The following SH3GL2 variants were observed in gnomAD, a reference collection of about 807,000 sequenced individuals.
SH3GL2 encodes the protein SH3 domain containing GRB2 like 2, endophilin A1, also known as endophilin-A1.
SH3GL2 carries 24 observed loss-of-function variants against 46.0 expected under a neutral mutation model. The observed-to-expected ratio is 0.52, with a 90% confidence interval of 0.38 to 0.73. The LOEUF (loss-of-function observed/expected upper bound fraction) is 0.73. Ranked by LOEUF, SH3GL2 falls within the 30% of genes least tolerant of loss-of-function variation. SH3GL2 has a pLI of 0.00. For synonymous variants in SH3GL2, 196 were observed against 147.1 expected (o/e 1.33, Z -2.40); for missense variants, 413 against 424.2 (o/e 0.97, Z 0.23).
intron 1 of SH3GL2, among the ~76,000 whole-genome samples, chr9:17,659,243 C>T (rs1310737638): frequency 6.6e-6 from 1 of 152,132 alleles, no homozygotes; most frequent in East Asian, 1.9e-4. Flanking sequence ...GGCTCTCTTC[C>T]CCATCTCAGA....
chr9:17,645,182 T>TTTTTTTTA (rs1819781790), intron 1 of SH3GL2, among the ~76,000 whole-genome samples: 3 of 72,704 alleles, frequency 4.1e-5, no homozygotes, highest in Non-Finnish European at 8.6e-5. Flanking sequence ...TTTTTTTTTT[T>TTTTTTTTA]GCTTTCCATT....
intron 3 of SH3GL2, among the ~76,000 whole-genome samples, chr9:17,770,934 G>A (rs1311769131): frequency 6.6e-6 from 1 of 152,190 alleles, no homozygotes; most frequent in African/African-American, 2.4e-5. Context: ...AAAGCAGTCT[G>A]ACTCTACATT....
chr9:17,611,363 G>A (rs10963161), intron 1 of SH3GL2, among the ~76,000 whole-genome samples: 41,414 of 151,842 alleles, frequency 0.27, 5,625 homozygotes, highest in Middle Eastern at 0.36. Context: ...GAAATTGTTC[G>A]TGGAAGCTAA....
intron 1 of SH3GL2, among the ~76,000 whole-genome samples, chr9:17,701,110 G>C (rs781157879): frequency 5.9e-5 from 9 of 152,056 alleles, no homozygotes; most frequent in Non-Finnish European, 1.0e-4. Flanking sequence ...AGAAGAGAGG[G>C]TAGAGAGTGA....
chr9:17,759,100 T>A (rs1350204856), intron 2 of SH3GL2, among the ~76,000 whole-genome samples: 2 of 152,024 alleles, frequency 1.3e-5, no homozygotes, highest in Non-Finnish European at 2.9e-5. Flanking sequence ...GTAGCCAAAA[T>A]GAGAAACTAG....
chr9:17,795,525 C>T lies in SH3GL2; in HGVS notation c.860-19C>T, dbSNP rs746916647. On this transcript the variant is annotated intron_variant, in intron 8 of 8. Transcript: ENST00000380607. ...TTATCCTTTTGTGTTCTTCTCTTCT[C>T]TCCTGCTCTTACTCCCAGGTGTCCA... 6 of 1,605,408 alleles carry T rather than the reference C, an allele frequency of 3.7e-6. No individual in the cohort carries two copies. The highest frequency in any genetic ancestry group is 2.2e-5 in the South Asian group (2 of 90,774).
At chr9:17,582,766 A>T (rs1042178932) in intron 1 of SH3GL2, among the ~76,000 whole-genome samples, 10 of 152,226 alleles carry the variant, frequency 6.6e-5, no homozygotes, top group Non-Finnish European at 1.5e-5. Flanking sequence ...CAGTAGGGCC[A>T]CGAGCTCTCT....
chr9:17,676,282 G>T (rs868225295), intron 1 of SH3GL2, among the ~76,000 whole-genome samples: 7 of 152,034 alleles, frequency 4.6e-5, no homozygotes, highest in Admixed American at 3.9e-4. Context: ...CATCTAAAAT[G>T]GGAAGAATTA....
intron 5 of SH3GL2, among the ~76,000 whole-genome samples, chr9:17,788,279 A>G (rs1372991616): frequency 6.6e-6 from 1 of 152,122 alleles, no homozygotes; most frequent in Non-Finnish European, 1.5e-5. Flanking sequence ...TAAATCCAAA[A>G]TAGAACTCTG....
chr9:17,674,857 T>G (rs1380290720), intron 1 of SH3GL2, among the ~76,000 whole-genome samples: 1 of 152,094 alleles, frequency 6.6e-6, no homozygotes, highest in Non-Finnish European at 1.5e-5. Flanking sequence ...GCAAGGTCTT[T>G]AGAGGCCCAG....
intron 1 of SH3GL2, among the ~76,000 whole-genome samples, chr9:17,583,323 T>G (rs1421077173): frequency 2.0e-5 from 3 of 152,302 alleles, no homozygotes; most frequent in Non-Finnish European, 4.4e-5. Context: ...TGTGACAGTA[T>G]TAAGAAATGG....
At chr9:17,778,833 T>C (rs1413516304) in intron 3 of SH3GL2, among the ~76,000 whole-genome samples, 1 of 152,140 alleles carries the variant, frequency 6.6e-6, no homozygotes, top group Non-Finnish European at 1.5e-5. Flanking sequence ...AAGATAACTA[T>C]GAAGTCTAGT....
chr9:17,748,928 G>GA (rs199940352), intron 2 of SH3GL2, among the ~76,000 whole-genome samples: 14 of 151,468 alleles, frequency 9.2e-5, no homozygotes, highest in South Asian at 4.2e-4. Flanking sequence ...TTGAGTTCCT[G>GA]AAAAAAAAAG....
At chr9:17,633,318 TG>T (rs1819475110) in intron 1 of SH3GL2, among the ~76,000 whole-genome samples, 1 of 152,194 alleles carries the variant, frequency 6.6e-6, no homozygotes, top group Non-Finnish European at 1.5e-5. Flanking sequence ...AGTCCATTGA[TG>T]TGCACATCCA....
chr9:17,741,002 C>G (rs918879492), intron 1 of SH3GL2, among the ~76,000 whole-genome samples: 2 of 151,940 alleles, frequency 1.3e-5, no homozygotes, highest in African/African-American at 4.8e-5. Context: ...TTTTAAAAAC[C>G]CTTGCCTAAA....
At chr9:17,720,786 G>A (rs1821876037) in intron 1 of SH3GL2, among the ~76,000 whole-genome samples, 1 of 152,116 alleles carries the variant, frequency 6.6e-6, no homozygotes, top group Admixed American at 6.6e-5. Context: ...AATGGTCTTG[G>A]TATTGAAGAT....
At chr9:17,678,630 G>A (rs1820680379) in intron 1 of SH3GL2, among the ~76,000 whole-genome samples, 1 of 152,112 alleles carries the variant, frequency 6.6e-6, no homozygotes, top group South Asian at 2.1e-4. Flanking sequence ...AAGCTCTTTA[G>A]TTTAATTAGA....
chr9:17,673,412 C>T lies in SH3GL2; in HGVS notation c.46-73654C>T, dbSNP rs190825187. On this transcript the variant is annotated intron_variant, in intron 1 of 8. Coordinates refer to ENST00000380607, the MANE Select transcript of SH3GL2 (RefSeq NM_003026.5). ...AGCGATCTGCCTGCCTCCCAAAGTG[C>T]TGGGATTATAGGCATGAGCCACCAC... is the stretch of plus-strand genomic sequence containing the variant. Among the ~76,000 whole-genome samples the T allele has an allele frequency of 2.8e-3, 421 of 151,334 alleles. 2 individuals are homozygous for T. Among genetic ancestry groups the T allele is most frequent in the African/African-American group, 7.9e-3 (325 of 41,148 alleles).
intron 1 of SH3GL2, among the ~76,000 whole-genome samples, chr9:17,597,809 C>T (rs887709965): frequency 1.3e-5 from 2 of 152,176 alleles, no homozygotes; most frequent in African/African-American, 4.8e-5. Flanking sequence ...AAGGGCCTGC[C>T]TGATCTGACC....
Sources: allele counts gnomAD v4.1 joint callset (sites outside exome capture counted in the v4.1 genomes callset), GRCh38; gene constraint gnomAD v4.1.1; transcripts MANE v1.5; gene names NCBI Gene and HGNC (gene_info 2026-07-23, HGNC 2026-07-21).